Variants in CRY1 observed in about 807,000 individuals in gnomAD.
The protein encoded by CRY1 is cryptochrome circadian regulator 1.
CRY1 carries 45 observed loss-of-function variants against 76.0 expected under a neutral mutation model. That is an observed-to-expected ratio of 0.59 (90% CI 0.47 to 0.76). CRY1 has a LOEUF of 0.76. Among genes scored for constraint, CRY1 ranks in the 30% least tolerant of loss-of-function variants. CRY1 has a pLI of 0.00. For missense variants in CRY1, 587 were observed against 716.4 expected (o/e 0.82, Z 2.06); for synonymous variants, 248 against 244.0 (o/e 1.02, Z -0.15).
At chr12:107,031,433 A>G (rs182726389) in intron 1 of CRY1, among the ~76,000 whole-genome samples, 2 of 151,824 alleles carry the variant, frequency 1.3e-5, no homozygotes, top group Admixed American at 6.6e-5. Flanking sequence ...CTTAAGTCAC[A>G]GATGAAGACT....
intron 1 of CRY1, among the ~76,000 whole-genome samples, chr12:107,077,950 T>C (rs574603722): frequency 2.0e-5 from 3 of 152,264 alleles, no homozygotes; most frequent in South Asian, 4.1e-4. Flanking sequence ...TAAAGTATAA[T>C]TTTCAAAACA....
At chr12:107,051,051 A>G (rs1952913279) in intron 1 of CRY1, among the ~76,000 whole-genome samples, 1 of 152,218 alleles carries the variant, frequency 6.6e-6, no homozygotes, top group African/African-American at 2.4e-5. Flanking sequence ...TTTTCAAAAG[A>G]AAGGTGGAGA....
chr12:107,083,736 T>C (rs796700524), intron 1 of CRY1, among the ~76,000 whole-genome samples: 12 of 152,290 alleles, frequency 7.9e-5, no homozygotes, highest in African/African-American at 2.9e-4. Context: ...GCCAATATCA[T>C]ACTGAATGGG....
intron 2 of CRY1, among the ~76,000 whole-genome samples, chr12:107,019,813 C>G (rs771486087): frequency 1.3e-5 from 2 of 151,826 alleles, no homozygotes; most frequent in Non-Finnish European, 2.9e-5. Context: ...CTTAGCTACT[C>G]GATCCTGTAG....
Position 107,069,203 on chromosome 12 carries a change from G to C in CRY1, c.158+23601C>G, listed in dbSNP as rs574300895. 3.3e-5 allele frequency among the ~76,000 whole-genome samples: 5 copies of C among 149,644 alleles called. No individual in the cohort carries two copies. In the East Asian group the frequency reaches 9.9e-4, roughly 30 times the overall value. ...AGGGTTCCAATTTCTCCACACCCTC[G>C]CCAACAATTACTTTCCGTTTAAATT... On this transcript the variant is annotated intron_variant, in intron 1 of 12. Transcript: ENST00000008527.
At chr12:107,036,309 T>C (rs909915738) in intron 1 of CRY1, among the ~76,000 whole-genome samples, 3 of 152,224 alleles carry the variant, frequency 2.0e-5, no homozygotes, top group Non-Finnish European at 2.9e-5. Context: ...TCTTTCATAG[T>C]CCACATCTAA....
At chr12:107,063,393 GA>G (rs1274106123) in intron 1 of CRY1, among the ~76,000 whole-genome samples, 1 of 152,188 alleles carries the variant, frequency 6.6e-6, no homozygotes, top group Non-Finnish European at 1.5e-5. Context: ...GAACTCAGGA[GA>G]ATTAGGGATT....
intron 1 of CRY1, among the ~76,000 whole-genome samples, chr12:107,043,916 C>T (rs1952824902): frequency 6.6e-6 from 1 of 152,038 alleles, no homozygotes; most frequent in Non-Finnish European, 1.5e-5. Flanking sequence ...GAATTTTGCT[C>T]CCCAGGCTCA....
At chr12:106,997,074 C>T (rs1403221217) in intron 10 of CRY1, among the ~76,000 whole-genome samples, 1 of 152,044 alleles carries the variant, frequency 6.6e-6, no homozygotes, top group Non-Finnish European at 1.5e-5. Flanking sequence ...TTAACTTGAC[C>T]CAGTATCTAT....
rs571642102 is a variant in CRY1 at position 107,005,318 on chromosome 12, GA to G, written c.268-71del. 2.3e-4 allele frequency: 328 copies of G among 1,447,260 alleles called. 1 individual carries two copies. The African/African-American group carries it at 4.2e-3, about 19-fold the overall frequency. The allele number at this position is 1,447,260 out of a possible 1,614,324, so 89.7% of individuals were successfully genotyped here. On this transcript the variant is annotated intron_variant, in intron 2 of 12. Coordinates refer to ENST00000008527, the MANE Select transcript of CRY1 (RefSeq NM_004075.5). ...TATTTTTTCTATTATAACGAAAAGT[GA>G]AAAAGCTGAAAATCTACATATCAAA...
At chr12:107,083,531 T>C (rs542556737) in intron 1 of CRY1, among the ~76,000 whole-genome samples, 1 of 152,290 alleles carries the variant, frequency 6.6e-6, no homozygotes, top group East Asian at 1.9e-4. Context: ...GTAAGGCTGG[T>C]TCACCATATG....
intron 10 of CRY1, among the ~76,000 whole-genome samples, chr12:106,997,028 T>C (rs1219852187): frequency 6.6e-6 from 1 of 152,210 alleles, no homozygotes; most frequent in Non-Finnish European, 1.5e-5. Flanking sequence ...AGTTTCATTT[T>C]ATCCTTAAAA....
chr12:107,025,479 G>A (rs559992456), intron 1 of CRY1, among the ~76,000 whole-genome samples: 43 of 152,102 alleles, frequency 2.8e-4, no homozygotes, highest in African/African-American at 1.0e-3. Flanking sequence ...GACAGTAATC[G>A]GACCTGTCTC....
Position 107,010,606 on chromosome 12 carries a change from G to A in CRY1, c.268-5358C>T, listed in dbSNP as rs186666083. ...TATTATATCTGTTATGATGACCTGT[G>A]ATCTCTTCTCTTTTTTTTTAAGAGA... On this transcript the variant is annotated intron_variant, in intron 2 of 12. Coordinates refer to ENST00000008527, the MANE Select transcript of CRY1 (RefSeq NM_004075.5). Among the ~76,000 whole-genome samples, 449 of 151,972 alleles carry A rather than the reference G, an allele frequency of 3.0e-3. 2 individuals carry two copies. The highest frequency in any genetic ancestry group is 9.8e-3 in the African/African-American group (405 of 41,444).
intron 1 of CRY1, among the ~76,000 whole-genome samples, chr12:107,037,518 G>A (rs2136862988): frequency 1.3e-5 from 2 of 151,814 alleles, no homozygotes; most frequent in East Asian, 3.9e-4. Context: ...GGCAGCAAGA[G>A]TGAAACTCAA....
At chr12:107,065,822 C>T (rs959353636) in intron 1 of CRY1, among the ~76,000 whole-genome samples, 3 of 152,144 alleles carry the variant, frequency 2.0e-5, no homozygotes, top group Non-Finnish European at 2.9e-5. Flanking sequence ...ATTTCTACTT[C>T]ACAACCAAGA....
At chr12:107,088,843 T>C (rs1404843726) in intron 1 of CRY1, among the ~76,000 whole-genome samples, 1 of 152,214 alleles carries the variant, frequency 6.6e-6, no homozygotes, top group Admixed American at 6.5e-5. Flanking sequence ...CATCACCTTC[T>C]AGAACAGTTT....
Position 107,005,353 on chromosome 12 carries a change from C to A in CRY1, c.268-105G>T, listed in dbSNP as rs573224906. On this transcript the variant is annotated intron_variant, in intron 2 of 12. Transcript: ENST00000008527. Reference sequence around the variant, plus strand: ...AAAATCTACATATCAAAGGATTATACATAAATCAAACTTTGAATATGCAGG... The same window carrying A: ...AAAATCTACATATCAAAGGATTATAAATAAATCAAACTTTGAATATGCAGG... 78 of 1,223,548 alleles carry A rather than the reference C, an allele frequency of 6.4e-5. No homozygotes were observed. In the East Asian group the frequency reaches 1.8e-3, roughly 28 times the overall value. The allele number at this position is 1,223,548 out of a possible 1,614,324, so 75.8% of individuals were successfully genotyped here. A position where few individuals can be genotyped will look rare whatever the true frequency, so the allele number is the denominator to read the frequency against.
At chr12:107,061,451 C>T (rs543291840) in intron 1 of CRY1, among the ~76,000 whole-genome samples, 20 of 151,858 alleles carry the variant, frequency 1.3e-4, no homozygotes, top group South Asian at 4.2e-4. Flanking sequence ...GTGATCTTAG[C>T]TCACTGCAAC....
Sources: allele counts gnomAD v4.1 joint callset (sites outside exome capture counted in the v4.1 genomes callset), GRCh38; gene constraint gnomAD v4.1.1; transcripts MANE v1.5; gene names NCBI Gene and HGNC (gene_info 2026-07-23, HGNC 2026-07-21).